The following RTTN variants were observed in gnomAD, a reference collection of about 807,000 sequenced individuals.
The protein encoded by RTTN is rotatin.
A neutral mutation model predicts 269.2 loss-of-function variants in RTTN; 182 were observed. That is an observed-to-expected ratio of 0.68 (90% CI 0.60 to 0.76). The LOEUF is 0.76. Ranked by LOEUF, RTTN falls within the 30% of genes least tolerant of loss-of-function variation. The pLI, the probability that RTTN is intolerant of heterozygous loss-of-function variation, is 0.00. For synonymous variants in RTTN, 1,006 were observed against 963.5 expected (o/e 1.04, Z -0.82); for missense variants, 2,545 against 2,608.6 (o/e 0.98, Z 0.53).
chr18:70,071,912 T>A (rs930197115), intron 34 of RTTN, among the ~76,000 whole-genome samples: 1 of 152,156 alleles, frequency 6.6e-6, no homozygotes, highest in Non-Finnish European at 1.5e-5. Context: ...AATTCTGAGA[T>A]AAACAAAACA....
chr18:70,189,842 C>A (rs283246), intron 9 of RTTN, among the ~76,000 whole-genome samples: 6 of 152,372 alleles, frequency 3.9e-5, no homozygotes, highest in African/African-American at 7.2e-5. Flanking sequence ...CTCAGCAGAC[C>A]TCTGTCATAT....
At chr18:70,158,022 T>C (rs1043786812) in intron 14 of RTTN, among the ~76,000 whole-genome samples, 4 of 152,076 alleles carry the variant, frequency 2.6e-5, no homozygotes, top group African/African-American at 9.7e-5. Flanking sequence ...TTGGAAGGCA[T>C]ATTTGTGGAT....
intron 26 of RTTN, among the ~76,000 whole-genome samples, chr18:70,115,704 A>G (rs943415758): frequency 6.6e-6 from 1 of 151,996 alleles, no homozygotes. Context: ...TTCCATCCTC[A>G]GCACAGTGTC....
chr18:70,051,373 A>G (rs1471369466), intron 39 of RTTN, 38 bp downstream of exon 39: 2 of 1,568,872 alleles, frequency 1.3e-6, no homozygotes, highest in Admixed American at 2.1e-5. Flanking sequence ...TCGTTTTATT[A>G]GCAGAAAGCC....
intron 40 of RTTN, among the ~76,000 whole-genome samples, chr18:70,035,347 G>T (rs1010586308): frequency 2.6e-5 from 4 of 152,110 alleles, no homozygotes; most frequent in African/African-American, 9.7e-5. Context: ...GCATGGTAAT[G>T]GTATAAAAAA....
Position 70,086,715 on chromosome 18 carries a change from AAAAAAAAAAAAAAAAAAAG to A in RTTN, c.4303-50_4303-32del, listed in dbSNP as rs760829978. The A allele has an allele frequency of 7.6e-5, 108 of 1,415,788 alleles. 1 individual carries two copies. The highest frequency in any genetic ancestry group is 1.5e-4 in the South Asian group (12 of 78,116). 87.7% of individuals were successfully genotyped at this position (1,415,788 alleles called of 1,614,324 possible). On this transcript the variant is annotated intron_variant, in intron 31 of 48. Transcript: ENST00000640769. ...AATGTAAAAAAAAAAAAAAAAAAAA[AAAAAAAAAAAAAAAAAAAG>A]GTCAATACTGCCATCTTGTGGTCAT... is the stretch of plus-strand genomic sequence containing the variant.
intron 35 of RTTN, among the ~76,000 whole-genome samples, chr18:70,065,410 TAAAG>T (rs2058106338): frequency 6.6e-6 from 1 of 152,000 alleles, no homozygotes; most frequent in Non-Finnish European, 1.5e-5. Flanking sequence ...TCTAATAAAA[TAAAG>T]ACTCAATACA....
chr18:70,075,141 C>G, intron 33 of RTTN: 1 of 383,304 alleles, frequency 2.6e-6, no homozygotes, highest in Non-Finnish European at 4.6e-6. Flanking sequence ...AAAATGTACA[C>G]AAGATATGAA....
rs183349630 is a variant in RTTN, at chr18:70,042,798, G to A, written c.5541+5173C>T. ...TAGCCTAACTATAAATTATATGTAA[G>A]GGCGATAAAAGACTTTCAGTCATTT... On this transcript the variant is annotated intron_variant, in intron 40 of 48. Coordinates refer to ENST00000640769, the MANE Select transcript of RTTN (RefSeq NM_173630.4). Among the ~76,000 whole-genome samples, 110 of 152,276 alleles carry A rather than the reference G, an allele frequency of 7.2e-4. 1 individual carries two copies. Among genetic ancestry groups the A allele is most frequent in the African/African-American group, 2.6e-3 (108 of 41,550 alleles).
Position 70,092,746 on chromosome 18 carries a change from C to A in RTTN, c.3962G>T (p.Gly1321Val). 1.2e-6 allele frequency: 2 copies of A among 1,613,608 alleles called. No individual in the cohort carries two copies. Among genetic ancestry groups the A allele is most frequent in the Non-Finnish European group, 1.7e-6 (2 of 1,179,638 alleles). ...GGNAMSFMGK[G>V]VTKSTILCLL... The stretch of plus-strand genomic sequence containing the variant: ...GCAAAGAATTGTGCTCTTTGTAACA[C>A]CTTTTCCCATGAAGGACATAGCATT... Residue 1321 changes from glycine to valine, a missense_variant, in exon 29 of 49, where the codon GGT becomes GTT. Coordinates refer to ENST00000640769, the MANE Select transcript of RTTN (RefSeq NM_173630.4).
At chr18:70,021,594 T>G (rs2056706457) in intron 44 of RTTN, among the ~76,000 whole-genome samples, 2 of 152,000 alleles carry the variant, frequency 1.3e-5, no homozygotes, top group African/African-American at 4.8e-5. Context: ...AGCTGGAAAA[T>G]GCACTGAAAG....
intron 32 of RTTN, among the ~76,000 whole-genome samples, chr18:70,076,067 A>C (rs74607349): frequency 2.0e-5 from 3 of 151,988 alleles, no homozygotes; most frequent in Non-Finnish European, 4.4e-5. Flanking sequence ...AAACACACAC[A>C]TGTATACATA....
chr18:70,010,263 C>G (rs2056329070), intron 46 of RTTN, among the ~76,000 whole-genome samples: 1 of 152,184 alleles, frequency 6.6e-6, no homozygotes. Flanking sequence ...GAACACTCCA[C>G]CCCAAATCAA....
chr18:70,128,049 C>T (rs1248902941), intron 24 of RTTN: 2 of 421,674 alleles, frequency 4.7e-6, no homozygotes, highest in South Asian at 6.5e-5. Context: ...CATGCATATA[C>T]TTACTGAGAT....
intron 35 of RTTN, among the ~76,000 whole-genome samples, chr18:70,065,037 T>C (rs1218219825): frequency 6.6e-6 from 1 of 152,120 alleles, no homozygotes; most frequent in East Asian, 1.9e-4. Flanking sequence ...ATAGTGAACA[T>C]GAATTACTAA....
intron 12 of RTTN, among the ~76,000 whole-genome samples, chr18:70,168,127 A>AAAT (rs58555213): frequency 6.6e-6 from 1 of 151,764 alleles, no homozygotes; most frequent in African/African-American, 2.4e-5. Flanking sequence ...AAAAAAAAAA[A>AAAT]TTCAAAGAAA....
intron 32 of RTTN, among the ~76,000 whole-genome samples, chr18:70,083,228 C>T (rs907994605): frequency 2.0e-5 from 3 of 152,072 alleles, no homozygotes; most frequent in Non-Finnish European, 4.4e-5. Flanking sequence ...CTCTTGGTGA[C>T]CACCCCACTT....
intron 27 of RTTN, among the ~76,000 whole-genome samples, chr18:70,112,558 A>G (rs142164543): frequency 2.9e-3 from 439 of 152,012 alleles, no homozygotes; most frequent in South Asian, 5.8e-3. Flanking sequence ...CAAAGATCAA[A>G]AGAGAAAAAG....
At chr18:70,005,769 C>T (rs978424580) in intron 47 of RTTN, 3 of 153,614 alleles carry the variant, frequency 2.0e-5, no homozygotes, top group Non-Finnish European at 4.3e-5. Flanking sequence ...AAACTAGCCC[C>T]GGCAGAGACA....
Sources: allele counts gnomAD v4.1 joint callset (sites outside exome capture counted in the v4.1 genomes callset), GRCh38; gene constraint gnomAD v4.1.1; transcripts MANE v1.5; gene names NCBI Gene and HGNC (gene_info 2026-07-23, HGNC 2026-07-21).